ZMYM4: variants seen among roughly 807,000 people sequenced by gnomAD.
ZMYM4 encodes the protein zinc finger MYM-type protein 4.
A neutral mutation model predicts 183.2 loss-of-function variants in ZMYM4; 31 were observed. The observed-to-expected ratio is 0.17, with a 90% CI of 0.13 to 0.23. The LOEUF (loss-of-function observed/expected upper bound fraction) is 0.23. Ranked by LOEUF, ZMYM4 falls within the 10% of genes least tolerant of loss-of-function variation. ZMYM4 has a pLI of 1.00. For missense variants in ZMYM4, 1,273 were observed against 1,840.3 expected (o/e 0.69, Z 5.64); for synonymous variants, 592 against 631.2 (o/e 0.94, Z 0.93).
In ZMYM4 at chr1:35,269,039, G is replaced by A. The variant is rs1265884431; in HGVS notation, c.-8G>A. On this transcript the variant is annotated 5_prime_UTR_variant, in exon 1 of 30. Transcript: ENST00000314607. ...GGGGAGCCGCAGCGGTTCCGAGCGG[G>A]GCCCAACATGGCGGAGAGAGAGGTG... 1 of 1,545,468 alleles carries A rather than the reference G, an allele frequency of 6.5e-7. No homozygotes were observed. Among genetic ancestry groups the A allele is most frequent in the Admixed American group, 2.0e-5 (1 of 50,686 alleles).
At chr1:35,394,099 C>G (rs1281738040) in intron 18 of ZMYM4, among the ~76,000 whole-genome samples, 1 of 148,616 alleles carries the variant, frequency 6.7e-6, no homozygotes, top group Non-Finnish European at 1.5e-5. Flanking sequence ...ACTCCACAGT[C>G]TCTTGGCTAC....
intron 2 of ZMYM4, among the ~76,000 whole-genome samples, chr1:35,336,668 A>C (rs1409348500): frequency 6.6e-6 from 1 of 151,988 alleles, no homozygotes; most frequent in Non-Finnish European, 1.5e-5. Flanking sequence ...GCCCTCCAAA[A>C]TGCTGGGATT....
At chr1:35,342,609 G>C (rs1335066876) in intron 2 of ZMYM4, among the ~76,000 whole-genome samples, 1 of 152,094 alleles carries the variant, frequency 6.6e-6, no homozygotes, top group African/African-American at 2.4e-5. Flanking sequence ...GTGTATGTTT[G>C]AATTTTTGTC....
Position 35,392,102 on chromosome 1 carries a change from C to T in ZMYM4, c.2588-110C>T, listed in dbSNP as rs1057356797. The T allele has an allele frequency of 3.5e-6, 5 of 1,426,974 alleles. No homozygotes were observed. The African/African-American group carries it at 5.7e-5, about 16-fold the overall frequency. The allele number at this position is 1,426,974 out of a possible 1,614,324, so 88.4% of individuals were successfully genotyped here. The stretch of plus-strand genomic sequence containing the variant: ...TTAATCCTAAAGTGACTTTTTGCTC[C>T]AACAGAAATTACTCAAACCTGAAAA... On this transcript the variant is annotated intron_variant, in intron 15 of 29. Coordinates refer to ENST00000314607, the MANE Select transcript of ZMYM4 (RefSeq NM_005095.3).
intron 1 of ZMYM4, among the ~76,000 whole-genome samples, chr1:35,309,577 A>G (rs768989481): frequency 2.6e-5 from 4 of 152,234 alleles, no homozygotes; most frequent in South Asian, 4.1e-4. Flanking sequence ...TGTCTCATCT[A>G]TCTCTTTAAA....
At chr1:35,281,754 A>T (rs1405603733) in intron 1 of ZMYM4, among the ~76,000 whole-genome samples, 1 of 152,038 alleles carries the variant, frequency 6.6e-6, no homozygotes, top group Admixed American at 6.5e-5. Context: ...ATATTGTGCA[A>T]TCATTACCAT....
Position 35,268,888 on chromosome 1 carries a change from G to C in ZMYM4, c.-159G>C. On this transcript the variant is annotated 5_prime_UTR_variant, in exon 1 of 30. Transcript: ENST00000314607. ...GATCTCAGAAGCTGCGGCCCGGCGC[G>C]CGGCATCCGCCCCCTCCCCACTCTC... 1 of 740,998 alleles carries C rather than the reference G, an allele frequency of 1.3e-6. No individual in the cohort carries two copies. Among genetic ancestry groups the C allele is most frequent in the South Asian group, 6.4e-5 (1 of 15,640 alleles). The allele number at this position is 740,998 out of a possible 1,614,324, so 45.9% of individuals were successfully genotyped here. A position where few individuals can be genotyped will look rare whatever the true frequency, so the allele number is the denominator to read the frequency against.
At chr1:35,410,040 C>T (rs1309861049) in intron 26 of ZMYM4, among the ~76,000 whole-genome samples, 1 of 151,994 alleles carries the variant, frequency 6.6e-6, no homozygotes, top group African/African-American at 2.4e-5. Context: ...CTTCAGGAAG[C>T]TTCCAATCAC....
At chr1:35,361,470 A>G (rs2148910413) in intron 4 of ZMYM4, 149 bp from the exon 5 acceptor site, 1 of 1,009,012 alleles carries the variant, frequency 9.9e-7, no homozygotes, top group Non-Finnish European at 1.4e-6. Flanking sequence ...CATATAACAC[A>G]ATTACTTTTA....
intron 1 of ZMYM4, among the ~76,000 whole-genome samples, chr1:35,275,224 A>G (rs1053835074): frequency 2.0e-5 from 3 of 152,058 alleles, no homozygotes; most frequent in Admixed American, 6.6e-5. Context: ...TTTTTTTGAC[A>G]ATGGAAAGAT....
intron 1 of ZMYM4, among the ~76,000 whole-genome samples, chr1:35,314,378 G>A (rs1015354182): frequency 2.0e-5 from 3 of 151,702 alleles, no homozygotes; most frequent in South Asian, 2.1e-4. Context: ...TCCGCCTCCC[G>A]GGTTCCAGCG....
chr1:35,380,242 C>A (rs145862377), intron 7 of ZMYM4, among the ~76,000 whole-genome samples: 1 of 152,256 alleles, frequency 6.6e-6, no homozygotes, highest in African/African-American at 2.4e-5. Flanking sequence ...TGGATGTATA[C>A]TCATGGGAGA....
At chr1:35,285,763 G>C (rs1640451696) in intron 1 of ZMYM4, among the ~76,000 whole-genome samples, 1 of 152,060 alleles carries the variant, frequency 6.6e-6, no homozygotes, top group Non-Finnish European at 1.5e-5. Context: ...GGGGGTCCAG[G>C]GTCCAGTCCC....
At position 35,268,936 on chromosome 1, in the gene ZMYM4, G is replaced by C; in HGVS notation, c.-111G>C. 1.6e-6 allele frequency: 2 copies of C among 1,248,218 alleles called. No homozygotes were observed. The highest frequency in any genetic ancestry group is 2.6e-5 in the South Asian group (1 of 37,988). 77.3% of individuals were successfully genotyped at this position (1,248,218 alleles called of 1,614,324 possible). A position where few individuals can be genotyped will look rare whatever the true frequency, so the allele number is the denominator to read the frequency against. The stretch of plus-strand genomic sequence containing the variant: ...CTCGGCGCAAGGCCCGGCCGGGTCC[G>C]GGGAAGCTGCCGCGAGGCGGCCGTG... On this transcript the variant is annotated 5_prime_UTR_variant, in exon 1 of 30. Transcript: ENST00000314607.
intron 29 of ZMYM4, 88 bp from the exon 30 acceptor site, chr1:35,419,382 C>T: frequency 7.1e-7 from 1 of 1,413,012 alleles, no homozygotes; most frequent in African/African-American, 1.4e-5. Flanking sequence ...TGGCAAAAAC[C>T]TCAGTTTACT....
intron 1 of ZMYM4, among the ~76,000 whole-genome samples, chr1:35,272,185 AG>A (rs1435377107): frequency 6.6e-6 from 1 of 152,156 alleles, no homozygotes; most frequent in East Asian, 1.9e-4. Flanking sequence ...GACTGCCTTG[AG>A]GGAGTTGAAA....
chr1:35,320,877 CTTTG>C (rs1642253579), intron 1 of ZMYM4, among the ~76,000 whole-genome samples: 1 of 152,094 alleles, frequency 6.6e-6, no homozygotes, highest in African/African-American at 2.4e-5. Flanking sequence ...CCTGCCCTGG[CTTTG>C]AGAAGTGTAG....
At chr1:35,348,406 T>C (rs1031813180) in intron 2 of ZMYM4, among the ~76,000 whole-genome samples, 9 of 152,262 alleles carry the variant, frequency 5.9e-5, no homozygotes, top group South Asian at 4.1e-4. Context: ...GCATTACTTA[T>C]TGTCATTCTA....
At position 35,269,003 on chromosome 1, in the gene ZMYM4, C is replaced by T; in HGVS notation, c.-44C>T. 1.3e-6 allele frequency: 2 copies of T among 1,518,364 alleles called. No homozygotes were observed. The highest frequency in any genetic ancestry group is 2.7e-5 in the East Asian group (1 of 37,270). The allele number at this position is 1,518,364 out of a possible 1,614,324, so 94.1% of individuals were successfully genotyped here. On this transcript the variant is annotated 5_prime_UTR_variant, in exon 1 of 30. Coordinates refer to ENST00000314607, the MANE Select transcript of ZMYM4 (RefSeq NM_005095.3). ...GGGCCGGGGGGCCGAGAGGTACCGC[C>T]GCCACCGCGCGGGGAGCCGCAGCGG...
Sources: allele counts gnomAD v4.1 joint callset (sites outside exome capture counted in the v4.1 genomes callset), GRCh38; gene constraint gnomAD v4.1.1; transcripts MANE v1.5; gene names NCBI Gene and HGNC (gene_info 2026-07-23, HGNC 2026-07-21).